The following DNAH17 variants were observed in gnomAD, a reference collection of about 807,000 sequenced individuals.
DNAH17 encodes the protein axonemal beta dynein heavy chain 17.
A neutral mutation model predicts 485.6 loss-of-function variants in DNAH17; 376 were observed. The ratio of observed to expected loss-of-function variants is 0.77; its 90% confidence interval spans 0.71 to 0.84. The LOEUF is 0.84. DNAH17 is among the 40% of genes least tolerant of loss of function. DNAH17 has a pLI of 0.00. For missense variants in DNAH17, 6,370 were observed against 5,839.3 expected, an observed-to-expected ratio of 1.09 and a Z score of -2.96; for synonymous variants, 3,031 against 2,405.9, an observed-to-expected ratio of 1.26 and a Z score of -7.60.
chr17:78,562,719 T>C (rs747819194), intron 11 of DNAH17, among the ~76,000 whole-genome samples: 29 of 152,252 alleles, frequency 1.9e-4, no homozygotes, highest in Middle Eastern at 6.8e-3. Context: ...TACAGATAAA[T>C]GAAGAAATAT....
chr17:78,536,443 C>T lies in DNAH17; in HGVS notation c.2859+856G>A, dbSNP rs138568798. Among the ~76,000 whole-genome samples, 927 of 151,266 alleles carry T rather than the reference C, an allele frequency of 6.1e-3. 6 individuals carry two copies. The highest frequency in any genetic ancestry group is 0.022 in the African/African-American group (889 of 41,164). ...CCAGCCTGGGCAACAGAGCAAGACT[C>T]TGTCTCAAAAAATAAAAAAATTAAG... On this transcript the variant is annotated intron_variant, in intron 19 of 80. Coordinates refer to ENST00000389840, the MANE Select transcript of DNAH17 (RefSeq NM_173628.4).
Position 78,475,736 on chromosome 17 carries a change from G to A in DNAH17, c.8252C>T (p.Ala2751Val), listed in dbSNP as rs376374569. 6.2e-7 allele frequency: 1 copy of A among 1,613,866 alleles called. No homozygotes were observed. The highest frequency in any genetic ancestry group is 8.5e-7 in the Non-Finnish European group (1 of 1,179,840). Residue 2751 changes from alanine to valine, a missense_variant, in exon 53 of 81, where the codon GCT (alanine) becomes GTT (valine). Physicochemically the swap from Ala to Val is moderately conservative, Grantham distance 64. Coordinates refer to ENST00000389840, the MANE Select transcript of DNAH17 (RefSeq NM_173628.4). ...GTCCACGAGGAGCTTGTTCAGAGGA[G>A]CCATGTCGGTTACAGGAACATATTT... Reference protein sequence around the residue: ...DPKYVPVTDMAPLNKLLVDVL... With the variant: ...DPKYVPVTDMVPLNKLLVDVL...
chr17:78,569,591 C>T lies in DNAH17; in HGVS notation c.1045-64G>A, dbSNP rs566770308. ...AGCCATTTGGGGTGACGTCCAGGCA[C>T]GCCGCCTGCAGGACCTGTGATCTGT... On this transcript the variant is annotated intron_variant, in intron 7 of 80. Coordinates refer to ENST00000389840, the MANE Select transcript of DNAH17 (RefSeq NM_173628.4). 1.8e-4 allele frequency: 281 copies of T among 1,535,326 alleles called. No individual in the cohort carries two copies. In the African/African-American group the frequency reaches 3.2e-3, roughly 18 times the overall value.
In DNAH17 at chr17:78,500,918, G is replaced by A. The variant is rs886844536; in HGVS notation, c.5483+266C>T. 19 of 332,672 alleles carry A rather than the reference G, an allele frequency of 5.7e-5. No individual in the cohort carries two copies. In the East Asian group the frequency reaches 6.2e-4, roughly 11 times the overall value. The allele number at this position is 332,672 out of a possible 1,614,324, so 20.6% of individuals were successfully genotyped here. ...CATTCAGGGAGGTGGGCACTGCTAC[G>A]ACAACCAGAGTCTGCTCATGAGGGT... On this transcript the variant is annotated intron_variant, in intron 35 of 80. Transcript: ENST00000389840.
intron 42 of DNAH17, among the ~76,000 whole-genome samples, chr17:78,491,829 G>T (rs930184972): frequency 2.0e-5 from 3 of 152,188 alleles, no homozygotes; most frequent in Non-Finnish European, 4.4e-5. Flanking sequence ...CCTCTTTGTG[G>T]CCCTGGCTGG....
Position 78,534,594 on chromosome 17 carries a change from G to A in DNAH17, c.2860-1858C>T, listed in dbSNP as rs116691176. Among the ~76,000 whole-genome samples, 561 of 152,300 alleles carry A rather than the reference G, an allele frequency of 3.7e-3. 5 individuals carry two copies. Among genetic ancestry groups the A allele is most frequent in the African/African-American group, 0.013 (536 of 41,548 alleles). ...TGGGAGTGCAGTGTTCAGAGCACAG[G>A]CAGGTGCTTCTGGATTTCAGTGTTG... On this transcript the variant is annotated intron_variant, in intron 19 of 80. Coordinates refer to ENST00000389840, the MANE Select transcript of DNAH17 (RefSeq NM_173628.4).
In DNAH17 at chr17:78,566,710, A is replaced by T. The variant is rs1333540493; in HGVS notation, c.1473T>A (p.Ala491=). The change falls in exon 11 of 81, where the codon GCT becomes GCA. Residue 491 remains alanine, a synonymous_variant. Coordinates refer to ENST00000389840, the MANE Select transcript of DNAH17 (RefSeq NM_173628.4). ...GGTCTTGGATTTTGATCTCAAAATC[A>T]GCATAATCACGGTCAAAATTCTAAA... The part of the protein sequence containing the change: ...PGDSNFDRDY[A]DFEIKIQDLD... The T allele has an allele frequency of 1.2e-6, 2 of 1,606,318 alleles. No homozygotes were observed. Among genetic ancestry groups the T allele is most frequent in the African/African-American group, 2.7e-5 (2 of 74,844 alleles).
Position 78,485,775 on chromosome 17 carries a change from A to T in DNAH17, c.7276-18T>A. 2 of 1,610,680 alleles carry T rather than the reference A, an allele frequency of 1.2e-6. No homozygotes were observed. Among genetic ancestry groups the T allele is most frequent in the South Asian group, 1.1e-5 (1 of 90,832 alleles). On this transcript the variant is annotated intron_variant, in intron 46 of 80. Transcript: ENST00000389840. ...AAAGAGGCCTGGGGCAGGGGAGGGA[A>T]GGGGAGGGAGCTGTGATTCTCAGAC...
At chr17:78,502,120 G>A (rs2090318313) in intron 33 of DNAH17, 2 of 527,176 alleles carry the variant, frequency 3.8e-6, no homozygotes, top group Non-Finnish European at 6.7e-6. Context: ...AGAGAGGGTG[G>A]ATGAGAAGCA....
chr17:78,452,766 A>T (rs1288471993), intron 65 of DNAH17, among the ~76,000 whole-genome samples: 1 of 152,152 alleles, frequency 6.6e-6, no homozygotes, highest in African/African-American at 2.4e-5. Flanking sequence ...GCTGAGTAAA[A>T]AGAGCCAGAC....
chr17:78,542,034 C>T (rs370917287), intron 17 of DNAH17, among the ~76,000 whole-genome samples: 56 of 151,982 alleles, frequency 3.7e-4, no homozygotes, highest in African/African-American at 1.3e-3. Flanking sequence ...GCCCATCCCC[C>T]GGGTGTGGCC....
chr17:78,427,915 G>A (rs1289221669), intron 77 of DNAH17, among the ~76,000 whole-genome samples: 7 of 147,148 alleles, frequency 4.8e-5, no homozygotes, highest in South Asian at 2.1e-4. Flanking sequence ...GCAGTGAGCC[G>A]AGATCGTGCC....
chr17:78,572,655 C>T (rs1445458912), intron 3 of DNAH17, 46 bp downstream of exon 3: 2 of 1,519,226 alleles, frequency 1.3e-6, no homozygotes, highest in Non-Finnish European at 8.9e-7. Context: ...CAAGCATGTG[C>T]CTCTTCCCCA....
chr17:78,513,626 G>C lies in DNAH17; in HGVS notation c.4113+1148C>G, dbSNP rs750373727. On this transcript the variant is annotated intron_variant, in intron 26 of 80. Coordinates refer to ENST00000389840, the MANE Select transcript of DNAH17 (RefSeq NM_173628.4). ...GATTTTTGTATTTTTAGCAGGGATGGGGTTTCACCATGTTGGCCAGGCTGG... is the reference window on the plus strand; with the variant it reads ...GATTTTTGTATTTTTAGCAGGGATGCGGTTTCACCATGTTGGCCAGGCTGG... 3.3e-5 allele frequency among the ~76,000 whole-genome samples: 5 copies of C among 152,106 alleles called. No individual in the cohort carries two copies. In the East Asian group the frequency reaches 9.7e-4, roughly 29 times the overall value.
At chr17:78,472,698 C>T (rs549550969) in intron 54 of DNAH17, 3 of 453,520 alleles carry the variant, frequency 6.6e-6, no homozygotes, top group Non-Finnish European at 1.3e-5. Context: ...GCCGAGTCCC[C>T]GAGGTCACGC....
intron 54 of DNAH17, among the ~76,000 whole-genome samples, chr17:78,473,631 A>G (rs1323203321): frequency 6.6e-6 from 1 of 151,822 alleles, no homozygotes; most frequent in Non-Finnish European, 1.5e-5. Context: ...CACAGCCCAG[A>G]TCACAGAGCC....
At position 78,454,460 on chromosome 17, in the gene DNAH17, C is replaced by G; in HGVS notation, c.10406+10G>C. On this transcript the variant is annotated intron_variant, in intron 64 of 80. Coordinates refer to ENST00000389840, the MANE Select transcript of DNAH17 (RefSeq NM_173628.4). ...CCGGGCTTCGGCCCAGGTCCTGCGC[C>G]CGCACACACCTCTTCTGTCCCAGGC... 6.2e-7 allele frequency: 1 copy of G among 1,605,972 alleles called. No homozygotes were observed. The highest frequency in any genetic ancestry group is 8.5e-7 in the Non-Finnish European group (1 of 1,176,012).
At chr17:78,476,247 C>T (rs960999539) in intron 52 of DNAH17, among the ~76,000 whole-genome samples, 2 of 150,990 alleles carry the variant, frequency 1.3e-5, no homozygotes, top group African/African-American at 2.4e-5. Context: ...ACCCTCGGAC[C>T]CACAGCCACG....
rs140081377 is a variant in DNAH17 at position 78,500,029 on chromosome 17, G to A, written c.5640+276C>T. The A allele has an allele frequency of 3.4e-4, 134 of 398,822 alleles. 1 individual carries two copies. The highest frequency in any genetic ancestry group is 2.7e-3 in the African/African-American group (129 of 48,204). The allele number at this position is 398,822 out of a possible 1,614,324, so 24.7% of individuals were successfully genotyped here. A position where few individuals can be genotyped will look rare whatever the true frequency, so the allele number is the denominator to read the frequency against. On this transcript the variant is annotated intron_variant, in intron 36 of 80. Coordinates refer to ENST00000389840, the MANE Select transcript of DNAH17 (RefSeq NM_173628.4). ...CCCTGTGCGGAGTCCCCAGTTCGGG[G>A]CAATCTTAACAACTGAAATTGAGAG... is the stretch of plus-strand genomic sequence containing the variant.
Sources: gnomAD v4.1 joint callset for allele counts (sites outside exome capture counted in the v4.1 genomes callset) on GRCh38, gnomAD v4.1.1 for gene constraint, MANE v1.5 for transcripts, NCBI Gene and HGNC (gene_info 2026-07-23, HGNC 2026-07-21) for gene names.